Variants in TP53INP1 observed in about 807,000 individuals in gnomAD.
TP53INP1 encodes tumor protein p53 inducible nuclear protein 1, also known as tumor protein p53-inducible nuclear protein 1.
Under a neutral mutation model 21.0 loss-of-function variants are expected in TP53INP1, and 12 were observed. The observed-to-expected ratio is 0.57, with a 90% CI of 0.37 to 0.93. The LOEUF is 0.93. TP53INP1 is among the 40% of genes least tolerant of loss of function. The pLI, the probability that TP53INP1 is intolerant of heterozygous loss-of-function variation, is 0.01. For missense variants in TP53INP1, 274 were observed against 294.7 expected, an observed-to-expected ratio of 0.93 and a Z score of 0.51; for synonymous variants, 91 against 94.8, an observed-to-expected ratio of 0.96 and a Z score of 0.23.
chr8:94,934,721 A>C (rs575655986), intron 3 of TP53INP1, among the ~76,000 whole-genome samples: 6 of 152,188 alleles, frequency 3.9e-5, no homozygotes, highest in Non-Finnish European at 8.8e-5. Flanking sequence ...AGGTAAAATC[A>C]TAATCAGAAG....
chr8:94,940,990 T>C lies in TP53INP1; in HGVS notation c.-49A>G. On this transcript the variant is annotated 5_prime_UTR_variant, in exon 2 of 4. Coordinates refer to ENST00000342697, the MANE Select transcript of TP53INP1 (RefSeq NM_033285.4). The stretch of plus-strand genomic sequence containing the variant: ...GGCTGGATGTCTTTTATAGCTGAGA[T>C]TTCAAAACCTTGTCTTTAGTTGGCC... The C allele has an allele frequency of 7.0e-7, 1 of 1,434,760 alleles. No individual in the cohort carries two copies. Among genetic ancestry groups the C allele is most frequent in the Non-Finnish European group, 9.7e-7 (1 of 1,028,432 alleles). 88.9% of individuals were successfully genotyped at this position (1,434,760 alleles called of 1,614,324 possible).
At chr8:94,931,710 C>T (rs1338049970) in intron 3 of TP53INP1, among the ~76,000 whole-genome samples, 1 of 152,124 alleles carries the variant, frequency 6.6e-6, no homozygotes, top group Non-Finnish European at 1.5e-5. Flanking sequence ...CGCTGTGGCT[C>T]GCTCTTGTAA....
chr8:94,938,673 G>A (rs142505935), intron 3 of TP53INP1, among the ~76,000 whole-genome samples: 2,372 of 152,348 alleles, frequency 0.016, 24 homozygotes, highest in Non-Finnish European at 0.018. Flanking sequence ...TGAGTTCAGG[G>A]AGCCTCTGGA....
chr8:94,938,840 G>C (rs1221838196), intron 3 of TP53INP1, among the ~76,000 whole-genome samples: 7 of 152,314 alleles, frequency 4.6e-5, no homozygotes, highest in Non-Finnish European at 1.0e-4. Context: ...CCCAAGGAAG[G>C]GGTCGTGGGA....
chr8:94,945,143 A>C (rs1821879350), intron 1 of TP53INP1, among the ~76,000 whole-genome samples: 1 of 152,212 alleles, frequency 6.6e-6, no homozygotes, highest in Admixed American at 6.5e-5. Context: ...TAGTTTTTTG[A>C]AAACTTTCAA....
In TP53INP1 at chr8:94,927,885, A is replaced by ATTG. The variant is rs1043110477; in HGVS notation, c.*2591_*2593dup. ...TTTTAAAGAAATATGTCTAAAGCGCATTGTAAACCACTAATATTTACAATA... is the reference window on the plus strand; with the variant it reads ...TTTTAAAGAAATATGTCTAAAGCGCATTGTTGTAAACCACTAATATTTACAATA... On this transcript the variant is annotated 3_prime_UTR_variant, in exon 4 of 4. Transcript: ENST00000342697. 1 of 146,860 alleles carries ATTG rather than the reference A, an allele frequency of 6.8e-6. No individual in the cohort carries two copies. Among genetic ancestry groups the ATTG allele is most frequent in the Non-Finnish European group, 1.5e-5 (1 of 66,922 alleles). The allele number at this position is 146,860 out of a possible 1,614,324, so 9.1% of individuals were successfully genotyped here.
intron 1 of TP53INP1, among the ~76,000 whole-genome samples, chr8:94,944,193 A>G (rs554276466): frequency 6.6e-6 from 1 of 152,344 alleles, no homozygotes; most frequent in Admixed American, 6.5e-5. Context: ...GCCCTGAATC[A>G]GCTAAAGCCA....
Position 94,926,349 on chromosome 8 carries a change from T to C in TP53INP1, c.*4130A>G, listed in dbSNP as rs1265282381. On this transcript the variant is annotated 3_prime_UTR_variant, in exon 4 of 4. Coordinates refer to ENST00000342697, the MANE Select transcript of TP53INP1 (RefSeq NM_033285.4). ...AGTCTACAATACTCTTCAGTCTCCC[T>C]AACTCATGCCCTGCCCCTATAAAGG... 1.3e-5 allele frequency: 2 copies of C among 151,600 alleles called. No individual in the cohort carries two copies. Among genetic ancestry groups the C allele is most frequent in the Non-Finnish European group, 2.9e-5 (2 of 67,894 alleles). 9.4% of individuals were successfully genotyped at this position (151,600 alleles called of 1,614,324 possible).
chr8:94,935,098 G>GGTAA (rs1343709945), intron 3 of TP53INP1, among the ~76,000 whole-genome samples: 1 of 149,446 alleles, frequency 6.7e-6, no homozygotes, highest in Admixed American at 6.7e-5. Context: ...ACGGTAGGTA[G>GGTAA]GTAGGTAGGT....
At chr8:94,935,217 A>C (rs1036746012) in intron 3 of TP53INP1, among the ~76,000 whole-genome samples, 1 of 152,178 alleles carries the variant, frequency 6.6e-6, no homozygotes, top group African/African-American at 2.4e-5. Context: ...GGACATGACA[A>C]CACTAACAAT....
At position 94,927,902 on chromosome 8, in the gene TP53INP1, T is replaced by C. The variant is rs529426728; in HGVS notation, c.*2577A>G. 7 of 87,084 alleles carry C rather than the reference T, an allele frequency of 8.0e-5. No homozygotes were observed. The East Asian group carries it at 2.3e-3, about 29-fold the overall frequency. 5.4% of individuals were successfully genotyped at this position (87,084 alleles called of 1,614,324 possible). A position where few individuals can be genotyped will look rare whatever the true frequency, so the allele number is the denominator to read the frequency against. ...TAAAGCGCATTGTAAACCACTAATA[T>C]TTACAATAGCAAAAAAAAAAGCTCA... On this transcript the variant is annotated 3_prime_UTR_variant, in exon 4 of 4. Transcript: ENST00000342697.
Position 94,940,371 on chromosome 8 carries a change from C to G in TP53INP1, c.113-151G>C. 4.5e-6 allele frequency: 4 copies of G among 895,646 alleles called. No homozygotes were observed. In the South Asian group the frequency reaches 7.3e-5, roughly 16 times the overall value. 55.5% of individuals were successfully genotyped at this position (895,646 alleles called of 1,614,324 possible). On this transcript the variant is annotated intron_variant, in intron 2 of 3. Coordinates refer to ENST00000342697, the MANE Select transcript of TP53INP1 (RefSeq NM_033285.4). The stretch of plus-strand genomic sequence containing the variant: ...ATACTATTAGCTGATGCTCACGTAT[C>G]TTCTTTTATTTAGTTCAGAAAACCA...
chr8:94,942,175 T>C (rs983974411), intron 1 of TP53INP1, among the ~76,000 whole-genome samples: 4 of 151,948 alleles, frequency 2.6e-5, no homozygotes, highest in African/African-American at 9.7e-5. Flanking sequence ...TAGCTGGGAC[T>C]ACAGGCGCCC....
chr8:94,934,098 A>T (rs78196972), intron 3 of TP53INP1, among the ~76,000 whole-genome samples: 1 of 151,888 alleles, frequency 6.6e-6, no homozygotes, highest in Non-Finnish European at 1.5e-5. Flanking sequence ...AAAGAAGTAT[A>T]TATGGCATGT....
At chr8:94,937,382 G>A (rs571617545) in intron 3 of TP53INP1, among the ~76,000 whole-genome samples, 5 of 150,598 alleles carry the variant, frequency 3.3e-5, no homozygotes, top group East Asian at 1.9e-4. Flanking sequence ...CAGAGGTTGC[G>A]CTGAGCCAAG....
At chr8:94,948,958 C>T (rs1013322827) in intron 1 of TP53INP1, among the ~76,000 whole-genome samples, 196 bp downstream of exon 1, 2 of 150,604 alleles carry the variant, frequency 1.3e-5, no homozygotes, top group African/African-American at 2.4e-5. Context: ...CGCCGAGGAC[C>T]GACCCACTGG....
intron 3 of TP53INP1, among the ~76,000 whole-genome samples, chr8:94,931,047 G>A (rs146472525): frequency 9.1e-4 from 138 of 152,276 alleles, no homozygotes; most frequent in African/African-American, 3.2e-3. Context: ...TCTGGGAGGG[G>A]AGCTAACATT....
chr8:94,939,991 C>T lies in TP53INP1; in HGVS notation c.342G>A (p.Val114=), dbSNP rs767712920. ...FTAGGLTTIK[V]ETSPMENLLI... ...GAAGGTTTTCCATAGGACTTGTTTC[C>T]ACCTTGATAGTGGTTAATCCACCTG... is the stretch of plus-strand genomic sequence containing the variant. The change falls in exon 3 of 4, where the codon GTG becomes GTA. Residue 114 remains valine (V), a synonymous_variant. Coordinates refer to ENST00000342697, the MANE Select transcript of TP53INP1 (RefSeq NM_033285.4). 1.2e-6 allele frequency: 2 copies of T among 1,614,142 alleles called. No homozygotes were observed. Among genetic ancestry groups the T allele is most frequent in the Non-Finnish European group, 8.5e-7 (1 of 1,180,024 alleles).
At chr8:94,942,907 C>T (rs1361909736) in intron 1 of TP53INP1, among the ~76,000 whole-genome samples, 7 of 152,166 alleles carry the variant, frequency 4.6e-5, no homozygotes, top group Non-Finnish European at 1.5e-5. Flanking sequence ...GAACCAGGTC[C>T]TGCAGGGCCT....
Sources: gnomAD v4.1 joint callset for allele counts (sites outside exome capture counted in the v4.1 genomes callset) on GRCh38, gnomAD v4.1.1 for gene constraint, MANE v1.5 for transcripts, NCBI Gene and HGNC (gene_info 2026-07-23, HGNC 2026-07-21) for gene names.